SNTG1: variants seen among roughly 807,000 people sequenced by gnomAD.
SNTG1 encodes syntrophin gamma 1, also known as gamma-1-syntrophin.
In SNTG1, 39 loss-of-function variants were observed where a neutral mutation model predicts 74.7. The ratio of observed to expected loss-of-function variants is 0.52; its 90% CI spans 0.40 to 0.68. SNTG1 has a LOEUF of 0.68. Ranked by LOEUF, SNTG1 falls within the 30% of genes least tolerant of loss-of-function variation. The probability of loss-of-function intolerance (pLI) is 0.00; values close to 1 mark genes in which losing one functional copy is unlikely to be tolerated. For missense variants in SNTG1, 685 were observed against 609.5 expected (o/e 1.12, Z -1.30); for synonymous variants, 254 against 217.1 (o/e 1.17, Z -1.49).
At chr8:50,682,363 A>T (rs1006206875) in intron 15 of SNTG1, among the ~76,000 whole-genome samples, 1 of 152,024 alleles carries the variant, frequency 6.6e-6, no homozygotes, top group Non-Finnish European at 1.5e-5. Context: ...GTTACAGAAC[A>T]GGTGACTCAG....
intron 2 of SNTG1, among the ~76,000 whole-genome samples, chr8:50,270,235 T>C (rs1354036310): frequency 1.3e-5 from 2 of 152,142 alleles, no homozygotes; most frequent in African/African-American, 2.4e-5. Context: ...ATTTTATTTT[T>C]GTCCTATAGA....
At chr8:50,612,093 C>G (rs756303840) in intron 13 of SNTG1, among the ~76,000 whole-genome samples, 3 of 152,296 alleles carry the variant, frequency 2.0e-5, no homozygotes, top group African/African-American at 2.4e-5. Context: ...ACAAAAAAAT[C>G]TGAAGCACAT....
intron 2 of SNTG1, among the ~76,000 whole-genome samples, chr8:50,198,770 T>C (rs947022809): frequency 6.6e-6 from 1 of 152,220 alleles, no homozygotes. Context: ...CAATCATTTT[T>C]CCATACCAGC....
intron 15 of SNTG1, among the ~76,000 whole-genome samples, chr8:50,687,105 G>A (rs1462282073): frequency 2.7e-5 from 4 of 148,108 alleles, no homozygotes; most frequent in African/African-American, 5.0e-5. Flanking sequence ...ACTGCAGTCC[G>A]CAGTCCGGCC....
rs145561870 is a variant in SNTG1, at chr8:50,188,240, C to T, written c.-28+15605C>T. Reference sequence around the variant, plus strand: ...TTCCTTGCCACCAATATTCCAATCACGTTTCTTCAAATAGTGAACCATACA... The same window carrying T: ...TTCCTTGCCACCAATATTCCAATCATGTTTCTTCAAATAGTGAACCATACA... On this transcript the variant is annotated intron_variant, in intron 2 of 18. Coordinates refer to ENST00000642720, the MANE Select transcript of SNTG1 (RefSeq NM_018967.5). 8.5e-5 allele frequency among the ~76,000 whole-genome samples: 13 copies of T among 152,254 alleles called. No homozygotes were observed. In the East Asian group the frequency reaches 1.5e-3, roughly 18 times the overall value.
intron 2 of SNTG1, among the ~76,000 whole-genome samples, chr8:50,280,684 T>C (rs1243862918): frequency 3.9e-5 from 6 of 152,188 alleles, no homozygotes; most frequent in African/African-American, 1.4e-4. Context: ...AGAGTTAAGT[T>C]ATTATCTAAA....
intron 1 of SNTG1, among the ~76,000 whole-genome samples, chr8:49,922,324 C>T (rs964466048): frequency 2.0e-5 from 3 of 152,010 alleles, no homozygotes; most frequent in Admixed American, 2.0e-4. Flanking sequence ...TTCTGGAGGC[C>T]AATTAAGTTT....
At chr8:50,758,230 C>T (rs1020562410) in intron 18 of SNTG1, among the ~76,000 whole-genome samples, 3 of 151,806 alleles carry the variant, frequency 2.0e-5, no homozygotes, top group African/African-American at 7.2e-5. Flanking sequence ...AATCCAGTGT[C>T]CCTGCCATAT....
At chr8:50,055,342 A>G (rs1004153392) in intron 1 of SNTG1, among the ~76,000 whole-genome samples, 2 of 152,088 alleles carry the variant, frequency 1.3e-5, no homozygotes, top group African/African-American at 4.8e-5. Context: ...CCATTTTATT[A>G]TATCTTGCTT....
At chr8:50,522,534 C>G (rs2130181740) in intron 9 of SNTG1, among the ~76,000 whole-genome samples, 1 of 150,628 alleles carries the variant, frequency 6.6e-6, no homozygotes, top group African/African-American at 2.4e-5. Flanking sequence ...TAGCCCCTAA[C>G]AAGAGTTCGC....
chr8:50,487,294 T>C (rs910119229), intron 8 of SNTG1, among the ~76,000 whole-genome samples: 1 of 152,172 alleles, frequency 6.6e-6, no homozygotes, highest in African/African-American at 2.4e-5. Context: ...TCCTTAGAGA[T>C]CTAGAATTAG....
intron 1 of SNTG1, among the ~76,000 whole-genome samples, chr8:50,026,903 A>T (rs1817313044): frequency 6.6e-6 from 1 of 152,154 alleles, no homozygotes. Context: ...AGATAAGTCA[A>T]GGTCAAATGC....
chr8:50,697,634 T>G (rs891136779), intron 15 of SNTG1, among the ~76,000 whole-genome samples: 1 of 152,176 alleles, frequency 6.6e-6, no homozygotes, highest in African/African-American at 2.4e-5. Context: ...TTTGAGCTTG[T>G]GCTCTTATGA....
At chr8:50,665,600 G>A (rs760468861) in intron 15 of SNTG1, among the ~76,000 whole-genome samples, 14 of 152,196 alleles carry the variant, frequency 9.2e-5, no homozygotes, top group Admixed American at 3.3e-4. Flanking sequence ...GGGTTGTGGC[G>A]TAGAAAGTCA....
chr8:50,477,558 T>C (rs545370963), intron 8 of SNTG1, among the ~76,000 whole-genome samples: 1 of 152,274 alleles, frequency 6.6e-6, no homozygotes, highest in South Asian at 2.1e-4. Context: ...CAACTAAATG[T>C]AATGTAATAT....
intron 2 of SNTG1, among the ~76,000 whole-genome samples, chr8:50,249,572 T>C (rs2086556778): frequency 6.6e-6 from 1 of 152,152 alleles, no homozygotes; most frequent in Non-Finnish European, 1.5e-5. Context: ...ACCCTGACAA[T>C]TCAGAAGAGC....
At chr8:49,973,984 A>ACCTT (rs1811958744) in intron 1 of SNTG1, among the ~76,000 whole-genome samples, 1 of 152,116 alleles carries the variant, frequency 6.6e-6, no homozygotes, top group African/African-American at 2.4e-5. Context: ...ATAAGCCCCA[A>ACCTT]TTTTTTATGT....
chr8:50,362,831 C>T (rs1226122609), intron 2 of SNTG1, among the ~76,000 whole-genome samples: 4 of 152,042 alleles, frequency 2.6e-5, no homozygotes, highest in African/African-American at 9.7e-5. Context: ...CACAAAGACA[C>T]ATAAGATTGA....
intron 15 of SNTG1, among the ~76,000 whole-genome samples, chr8:50,695,332 A>C (rs1238409732): frequency 6.6e-6 from 1 of 152,006 alleles, no homozygotes; most frequent in East Asian, 1.9e-4. Context: ...AAATCAAACA[A>C]TACCGTTTAT....
Sources: allele counts gnomAD v4.1 joint callset (sites outside exome capture counted in the v4.1 genomes callset), GRCh38; gene constraint gnomAD v4.1.1; transcripts MANE v1.5; gene names NCBI Gene and HGNC (gene_info 2026-07-23, HGNC 2026-07-21).